The following KIF11 variants were observed in gnomAD, a reference collection of about 807,000 sequenced individuals.
The protein encoded by KIF11 is kinesin family member 11.
Under a neutral mutation model 121.0 loss-of-function variants are expected in KIF11, and 9 were observed. The ratio of observed to expected loss-of-function variants is 0.07; its 90% CI spans 0.04 to 0.13. The LOEUF (loss-of-function observed/expected upper bound fraction) is 0.13. Among genes scored for constraint, KIF11 ranks in the 10% least tolerant of loss-of-function variants. The pLI is 1.00. For synonymous variants in KIF11, 408 were observed against 421.0 expected, an observed-to-expected ratio of 0.97 and a Z score of 0.38; for missense variants, 846 against 1,217.5, an observed-to-expected ratio of 0.69 and a Z score of 4.54.
In KIF11 at chr10:92,655,039, C is replaced by G. The variant is rs549120162; in HGVS notation, c.*1243C>G. On this transcript the variant is annotated 3_prime_UTR_variant, in exon 22 of 22. Transcript: ENST00000260731. Reference sequence around the variant, plus strand: ...CATGTATCTTTTTCTCGATTCAAATCTTAACCCTTAGGACTCTGGTATTTT... The same window carrying G: ...CATGTATCTTTTTCTCGATTCAAATGTTAACCCTTAGGACTCTGGTATTTT... The G allele has an allele frequency of 6.5e-6, 1 of 152,750 alleles. No homozygotes were observed. Among genetic ancestry groups the G allele is most frequent in the Admixed American group, 6.5e-5 (1 of 15,296 alleles). 9.5% of individuals were successfully genotyped at this position (152,750 alleles called of 1,614,324 possible).
At chr10:92,614,095 A>G (rs1001200367) in intron 8 of KIF11, among the ~76,000 whole-genome samples, 4 of 140,444 alleles carry the variant, frequency 2.8e-5, no homozygotes, top group South Asian at 4.4e-4. Flanking sequence ...TTCATTTAGT[A>G]GCTTCATTTT....
At chr10:92,596,459 C>T (rs1844297605) in intron 1 of KIF11, among the ~76,000 whole-genome samples, 1 of 151,940 alleles carries the variant, frequency 6.6e-6, no homozygotes, top group Admixed American at 6.6e-5. Context: ...TCCACAGTGG[C>T]TGGACCATTT....
rs751190216 is a variant in KIF11 at position 92,593,468 on chromosome 10, A to T, written c.77+16A>T. 5 of 1,603,460 alleles carry T rather than the reference A, an allele frequency of 3.1e-6. No individual in the cohort carries two copies. The South Asian group carries it at 5.6e-5, about 18-fold the overall frequency. On this transcript the variant is annotated intron_variant, in intron 1 of 21. Transcript: ENST00000260731. ...TGAGATGCAGGTAGGGAGAGGGCTG[A>T]CAGGATTCCGAGCGCTGCGGCTTCG...
At chr10:92,642,687 C>T (rs184553566) in intron 17 of KIF11, among the ~76,000 whole-genome samples, 3 of 113,874 alleles carry the variant, frequency 2.6e-5, no homozygotes, top group Non-Finnish European at 4.8e-5. Flanking sequence ...ACCTCTTTAT[C>T]ATTATGTAAT....
intron 18 of KIF11, among the ~76,000 whole-genome samples, chr10:92,646,141 A>G (rs1844916894): frequency 6.6e-6 from 1 of 151,894 alleles, no homozygotes; most frequent in Non-Finnish European, 1.5e-5. Flanking sequence ...TTTAGTAGAG[A>G]TGGGGTTTCA....
chr10:92,629,311 G>T (rs1235850806), intron 11 of KIF11, among the ~76,000 whole-genome samples: 3 of 151,250 alleles, frequency 2.0e-5, no homozygotes, highest in African/African-American at 7.3e-5. Flanking sequence ...AAAAAAAAAA[G>T]ATTTTATTTT....
chr10:92,618,659 A>AG (rs1398224474), intron 9 of KIF11, among the ~76,000 whole-genome samples: 2 of 147,744 alleles, frequency 1.4e-5, no homozygotes, highest in East Asian at 3.9e-4. Context: ...AAAAAAAAAG[A>AG]AAAAAAGTAA....
chr10:92,633,444 T>C (rs1026239202), intron 13 of KIF11, among the ~76,000 whole-genome samples, 179 bp from the exon 14 acceptor site: 2 of 152,212 alleles, frequency 1.3e-5, no homozygotes, highest in African/African-American at 2.4e-5. Flanking sequence ...CAGAGCACTA[T>C]AGAAAATTGT....
intron 1 of KIF11, among the ~76,000 whole-genome samples, chr10:92,595,098 C>G (rs979549671): frequency 3.3e-5 from 5 of 152,214 alleles, no homozygotes; most frequent in African/African-American, 1.2e-4. Flanking sequence ...GAGTCTCGCT[C>G]TCTTAGGCCG....
chr10:92,607,192 A>T lies in KIF11; in HGVS notation c.342A>T (p.Thr114=), dbSNP rs1307041792. 9.9e-6 allele frequency: 16 copies of T among 1,610,228 alleles called. No individual in the cohort carries two copies. The highest frequency in any genetic ancestry group is 1.7e-4 in the Middle Eastern group (1 of 5,760). ...AAACTGGCACTGGAAAAACTTTTAC[A>T]ATGGAAGGTGAAAGGTCACCTAATG... ...YGQTGTGKTF[T]MEGERSPNEE... Residue 114 remains threonine, a synonymous_variant, in exon 4 of 22, where the codon ACA becomes ACT. Transcript: ENST00000260731.
chr10:92,630,321 C>T lies in KIF11; in HGVS notation c.1451C>T (p.Ala484Val), dbSNP rs1844723506. Residue 484 changes from alanine to valine, a missense_variant, in exon 12 of 22, where the codon GCT (alanine) becomes GTT (valine). Physicochemically the swap from Ala to Val is moderately conservative, Grantham distance 64. Transcript: ENST00000260731. ...GTTAAAGAAGAATATATCACATCAGCTTTGGAAAGTACTGAGGAGAAACTT... is the reference window on the plus strand; with the variant it reads ...GTTAAAGAAGAATATATCACATCAGTTTTGGAAAGTACTGAGGAGAAACTT... ...QLVKEEYITS[A>V]LESTEEKLHD... The T allele has an allele frequency of 1.2e-6, 2 of 1,603,148 alleles. No homozygotes were observed. Among genetic ancestry groups the T allele is most frequent in the Non-Finnish European group, 1.7e-6 (2 of 1,176,462 alleles).
Position 92,648,244 on chromosome 10 carries a change from A to G in KIF11, c.2580A>G (p.Ser860=), listed in dbSNP as rs36046902. 74 of 1,612,566 alleles carry G rather than the reference A, an allele frequency of 4.6e-5. No individual in the cohort carries two copies. The African/African-American group carries it at 9.3e-4, about 20-fold the overall frequency. Residue 860 remains serine (S), a synonymous_variant, in exon 19 of 22, where the codon TCA becomes TCG. Coordinates refer to ENST00000260731, the MANE Select transcript of KIF11 (RefSeq NM_004523.4). ...VVSQCCEASS[S]DITEKSDGRK... ...GCCAATGTTGTGAGGCTTCAAGTTC[A>G]GACATCACTGAGAAATCAGATGGAC...
intron 14 of KIF11, among the ~76,000 whole-genome samples, chr10:92,635,922 C>T (rs987593421): frequency 1.1e-4 from 16 of 152,196 alleles, no homozygotes; most frequent in African/African-American, 3.9e-4. Context: ...AAAAGAATGT[C>T]AGTAGACCTA....
At chr10:92,643,211 TGCC>T (rs1165478031) in intron 17 of KIF11, among the ~76,000 whole-genome samples, 5 of 152,190 alleles carry the variant, frequency 3.3e-5, no homozygotes. Flanking sequence ...TGCACCCAGC[TGCC>T]TTTCCTCATT....
At position 92,608,901 on chromosome 10, in the gene KIF11, T is replaced by G. The variant is rs1165835857; in HGVS notation, c.388-119T>G. On this transcript the variant is annotated intron_variant, in intron 4 of 21. Coordinates refer to ENST00000260731, the MANE Select transcript of KIF11 (RefSeq NM_004523.4). ...TTAGGTTAGTTGTTTCTTTTTTTGT[T>G]TTGTTTTAACTTGCTTTGCCATACT... 7.0e-6 allele frequency: 4 copies of G among 568,108 alleles called. No homozygotes were observed. In the South Asian group the frequency reaches 9.5e-5, roughly 14 times the overall value. The allele number at this position is 568,108 out of a possible 1,614,324, so 35.2% of individuals were successfully genotyped here.
intron 9 of KIF11, 108 bp from the exon 10 acceptor site, chr10:92,621,277 T>A (rs567208891): frequency 1.3e-4 from 75 of 561,792 alleles, no homozygotes; most frequent in African/African-American, 1.3e-3. Flanking sequence ...CTTCTTTAAG[T>A]TTTAAAAGAC....
intron 14 of KIF11, among the ~76,000 whole-genome samples, chr10:92,634,044 C>T (rs963321644): frequency 2.6e-5 from 4 of 152,026 alleles, no homozygotes; most frequent in East Asian, 1.9e-4. Context: ...AGTGCAGTGG[C>T]GTGATCTCGG....
chr10:92,613,165 T>G lies in KIF11; in HGVS notation c.789+35T>G. Reference sequence around the variant, plus strand: ...CACCTTAATACTACTGTTTCACTCTTAAACACCTTATAGAGCAGCTTGAAA... The same window carrying G: ...CACCTTAATACTACTGTTTCACTCTGAAACACCTTATAGAGCAGCTTGAAA... On this transcript the variant is annotated intron_variant, in intron 7 of 21. Coordinates refer to ENST00000260731, the MANE Select transcript of KIF11 (RefSeq NM_004523.4). The surrounding 1 kb of genome is among the most constrained non-coding windows in gnomAD (Gnocchi z 4.2). 1 of 1,483,008 alleles carries G rather than the reference T, an allele frequency of 6.7e-7. No homozygotes were observed. The highest frequency in any genetic ancestry group is 9.4e-7 in the Non-Finnish European group (1 of 1,068,196). 91.9% of individuals were successfully genotyped at this position (1,483,008 alleles called of 1,614,324 possible). A position where few individuals can be genotyped will look rare whatever the true frequency, so the allele number is the denominator to read the frequency against.
intron 13 of KIF11, among the ~76,000 whole-genome samples, chr10:92,633,102 A>G (rs1482596542): frequency 6.6e-6 from 1 of 151,996 alleles, no homozygotes; most frequent in African/African-American, 2.4e-5. Context: ...ATGGTTTGCT[A>G]TATTGTCAGA....
Sources: allele counts gnomAD v4.1 joint callset (sites outside exome capture counted in the v4.1 genomes callset), GRCh38; gene constraint gnomAD v4.1.1; non-coding constraint Gnocchi (gnomAD v3.1); transcripts MANE v1.5; gene names NCBI Gene and HGNC (gene_info 2026-07-23, HGNC 2026-07-21).